Variants in GREB1L observed in about 807,000 individuals in gnomAD.
The protein encoded by GREB1L is GREB1 like retinoic acid receptor coactivator.
A neutral mutation model predicts 200.8 loss-of-function variants in GREB1L; 17 were observed. The observed-to-expected ratio is 0.08, with a 90% CI of 0.06 to 0.13. GREB1L has a LOEUF of 0.13. GREB1L is among the 10% of genes least tolerant of loss of function. The pLI is 1.00. For missense variants in GREB1L, 1,657 were observed against 2,367.7 expected (o/e 0.70, Z 6.23); for synonymous variants, 789 against 893.0 (o/e 0.88, Z 2.08).
At chr18:21,332,113 A>C (rs1380887365) in intron 1 of GREB1L, among the ~76,000 whole-genome samples, 1 of 152,242 alleles carries the variant, frequency 6.6e-6, no homozygotes, top group Non-Finnish European at 1.5e-5. Flanking sequence ...AATCTTCCTA[A>C]AATTCATTAG....
chr18:21,348,030 C>T lies in GREB1L; in HGVS notation c.-119-17997C>T, dbSNP rs372504081. Among the ~76,000 whole-genome samples, 840 of 148,484 alleles carry T rather than the reference C, an allele frequency of 5.7e-3. 10 individuals are homozygous for T. The highest frequency in any genetic ancestry group is 0.022 in the Middle Eastern group (6 of 276). ...CACGATCTTGGCTCACTGCAAACTC[C>T]GCCTCCCGGGTTCACGCCATTCTCC... is the stretch of plus-strand genomic sequence containing the variant. On this transcript the variant is annotated intron_variant, in intron 1 of 32. Coordinates refer to ENST00000424526, the MANE Select transcript of GREB1L (RefSeq NM_001142966.3).
chr18:21,457,964 GTTTTTTTTTTT>G (rs11414940), intron 15 of GREB1L, among the ~76,000 whole-genome samples: 47 of 117,878 alleles, frequency 4.0e-4, no homozygotes, highest in Non-Finnish European at 6.8e-4. Flanking sequence ...AGCAAGGACA[GTTTTTTTTTTT>G]TTTTTTTTTT....
At chr18:21,290,773 C>T (rs1457481921) in intron 1 of GREB1L, among the ~76,000 whole-genome samples, 7 of 146,016 alleles carry the variant, frequency 4.8e-5, no homozygotes, top group Admixed American at 1.4e-4. Context: ...TGCAGTGAGC[C>T]GAGGTGGAGC....
At chr18:21,249,859 TTAAAAAA>T in intron 1 of GREB1L, among the ~76,000 whole-genome samples, 1 of 149,700 alleles carries the variant, frequency 6.7e-6, no homozygotes, top group Non-Finnish European at 1.5e-5. Flanking sequence ...AACTCTGTCT[TTAAAAAA>T]AAAAAAAAAA....
Position 21,273,769 on chromosome 18 carries a change from T to C in GREB1L, c.-120+31376T>C, listed in dbSNP as rs374660312. ...GTTTGAAGGTGCTAAGAGGAAGTGCTTGACACACGGGAGGAACTGAGAAAG... is the reference window on the plus strand; with the variant it reads ...GTTTGAAGGTGCTAAGAGGAAGTGCCTGACACACGGGAGGAACTGAGAAAG... On this transcript the variant is annotated intron_variant, in intron 1 of 32. Transcript: ENST00000424526. Among the ~76,000 whole-genome samples, 63 of 152,228 alleles carry C rather than the reference T, an allele frequency of 4.1e-4. 1 individual carries two copies. The highest frequency in any genetic ancestry group is 1.5e-3 in the African/African-American group (61 of 41,520).
chr18:21,472,091 A>G (rs1314497287), intron 15 of GREB1L, among the ~76,000 whole-genome samples: 7 of 152,044 alleles, frequency 4.6e-5, no homozygotes, highest in Non-Finnish European at 1.0e-4. Flanking sequence ...CTTTCTCTCC[A>G]CCTTTTCTGG....
Position 21,490,106 on chromosome 18 carries a change from C to A in GREB1L, c.2785C>A (p.Arg929Ser). The A allele has an allele frequency of 1.3e-6, 2 of 1,551,890 alleles. No homozygotes were observed. Among genetic ancestry groups the A allele is most frequent in the Non-Finnish European group, 1.7e-6 (2 of 1,147,046 alleles). Reference sequence around the variant, plus strand: ...GGCTCTCACCACCATGGCGTCACTCCGCGACCACAGCACACCAGAAACACT... The same window carrying A: ...GGCTCTCACCACCATGGCGTCACTCAGCGACCACAGCACACCAGAAACACT... Reference protein sequence around the residue: ...LMALTTMASLRDHSTPETLSI... With the variant: ...LMALTTMASLSDHSTPETLSI... The change falls in exon 19 of 33, where the codon CGC becomes AGC. Residue 929 changes from arginine (R) to serine (S), a missense_variant. By Grantham distance (110) the Arg-to-Ser change is moderately radical (BLOSUM62 -1). This residue lies in a region of GREB1L where 82 missense variants were observed against 95.9 expected (regional missense o/e 0.85). Coordinates refer to ENST00000424526, the MANE Select transcript of GREB1L (RefSeq NM_001142966.3).
Position 21,493,892 on chromosome 18 carries a change from A to AAAG in GREB1L, c.3031-1777_3031-1776insAGA, listed in dbSNP as rs1408235754. 9.3e-5 allele frequency among the ~76,000 whole-genome samples: 14 copies of AAAG among 150,488 alleles called. 1 individual carries two copies. Among genetic ancestry groups the AAAG allele is most frequent in the Admixed American group, 3.3e-4 (5 of 15,060 alleles). On this transcript the variant is annotated intron_variant, in intron 19 of 32. Coordinates refer to ENST00000424526, the MANE Select transcript of GREB1L (RefSeq NM_001142966.3). ...AAAAAAAAAAAAAAAAAAAAAAAAAAAGTCCTCATACAGTAAAACATTTTA... is the reference window on the plus strand; with the variant it reads ...AAAAAAAAAAAAAAAAAAAAAAAAAAAAGAGTCCTCATACAGTAAAACATTTTA...
At chr18:21,496,862 A>C (rs1356439214) in intron 21 of GREB1L, among the ~76,000 whole-genome samples, 164 bp downstream of exon 21, 1 of 152,194 alleles carries the variant, frequency 6.6e-6, no homozygotes, top group Non-Finnish European at 1.5e-5. Context: ...ATGCTTGGAA[A>C]ACATGACTGT....
intron 29 of GREB1L, among the ~76,000 whole-genome samples, chr18:21,516,086 G>C (rs1236829793): frequency 6.6e-6 from 1 of 152,174 alleles, no homozygotes; most frequent in Non-Finnish European, 1.5e-5. Flanking sequence ...AAATCCTACT[G>C]TAGGGAAAAG....
At chr18:21,270,999 G>A (rs2038069332) in intron 1 of GREB1L, among the ~76,000 whole-genome samples, 1 of 152,194 alleles carries the variant, frequency 6.6e-6, no homozygotes, top group South Asian at 2.1e-4. Flanking sequence ...GTAAGTGCCA[G>A]AGCTGGGATT....
chr18:21,319,671 T>A (rs955325095), intron 1 of GREB1L, among the ~76,000 whole-genome samples: 5 of 152,224 alleles, frequency 3.3e-5, no homozygotes, highest in African/African-American at 1.2e-4. Context: ...CAAACTATAA[T>A]GCATGAGCAG....
intron 2 of GREB1L, among the ~76,000 whole-genome samples, chr18:21,369,158 T>C (rs571801112): frequency 6.6e-6 from 1 of 152,328 alleles, no homozygotes; most frequent in East Asian, 1.9e-4. Flanking sequence ...TCTGGTGTTT[T>C]ATGCAGATTT....
intron 2 of GREB1L, among the ~76,000 whole-genome samples, chr18:21,382,388 G>A (rs1355280389): frequency 6.6e-6 from 1 of 152,002 alleles, no homozygotes; most frequent in Non-Finnish European, 1.5e-5. Flanking sequence ...TGGACCATCA[G>A]AAGGGTAGGG....
intron 1 of GREB1L, among the ~76,000 whole-genome samples, chr18:21,335,788 C>T (rs1198939159): frequency 1.3e-5 from 2 of 151,786 alleles, no homozygotes; most frequent in Non-Finnish European, 2.9e-5. Flanking sequence ...CTCAGCCTCC[C>T]GAGTGGCTGG....
intron 1 of GREB1L, among the ~76,000 whole-genome samples, chr18:21,249,505 C>A (rs2037664444): frequency 6.6e-6 from 1 of 152,150 alleles, no homozygotes; most frequent in Non-Finnish European, 1.5e-5. Flanking sequence ...CAAGTTAAAT[C>A]TGACCTCTGT....
rs2038288590 is a variant in GREB1L, at chr18:21,282,662, C to G, written c.-120+40269C>G. On this transcript the variant is annotated intron_variant, in intron 1 of 32. Transcript: ENST00000424526. ...TCACCCAGGATGCAGTGCAGTGGCA[C>G]AATCTCGGCTCATTGCAACCTCCGC... 2.0e-5 allele frequency among the ~76,000 whole-genome samples: 3 copies of G among 151,872 alleles called. No homozygotes were observed. The South Asian group carries it at 6.2e-4, about 31-fold the overall frequency.
intron 1 of GREB1L, among the ~76,000 whole-genome samples, chr18:21,252,557 G>GAAAAAA (rs144115588): frequency 1.3e-5 from 1 of 77,440 alleles, no homozygotes; most frequent in African/African-American, 4.4e-5. Context: ...AACTCCATCT[G>GAAAAAA]AAAAAAAAAA....
chr18:21,293,837 T>A (rs2038487406), intron 1 of GREB1L, among the ~76,000 whole-genome samples: 1 of 152,162 alleles, frequency 6.6e-6, no homozygotes, highest in Non-Finnish European at 1.5e-5. Flanking sequence ...TGGAGTGCAG[T>A]GGAGTGATCC....
Sources: allele counts gnomAD v4.1 joint callset (sites outside exome capture counted in the v4.1 genomes callset), GRCh38; gene constraint gnomAD v4.1.1; regional missense constraint gnomAD v4.1.1; transcripts MANE v1.5; gene names NCBI Gene and HGNC (gene_info 2026-07-23, HGNC 2026-07-21).